ITGA4: variants seen among roughly 807,000 people sequenced by gnomAD.
ITGA4 encodes the protein integrin subunit alpha 4.
ITGA4 carries 63 observed loss-of-function variants against 133.6 expected under a neutral mutation model. The observed-to-expected ratio is 0.47, with a 90% CI of 0.38 to 0.58. The LOEUF (loss-of-function observed/expected upper bound fraction) is 0.58. Among genes scored for constraint, ITGA4 ranks in the 20% least tolerant of loss-of-function variants. ITGA4 has a pLI of 0.00. For missense variants in ITGA4, 1,076 were observed against 1,252.7 expected, an observed-to-expected ratio of 0.86 and a Z score of 2.13; for synonymous variants, 483 against 438.0, an observed-to-expected ratio of 1.10 and a Z score of -1.28.
At position 181,536,996 on chromosome 2, in the gene ITGA4, G is replaced by C. The variant is rs1330419089; in HGVS notation, c.*1469G>C. 1 of 450,308 alleles carries C rather than the reference G, an allele frequency of 2.2e-6. No homozygotes were observed. Among genetic ancestry groups the C allele is most frequent in the South Asian group, 1.6e-5 (1 of 63,614 alleles). The allele number at this position is 450,308 out of a possible 1,614,324, so 27.9% of individuals were successfully genotyped here. On this transcript the variant is annotated 3_prime_UTR_variant, in exon 28 of 28. Coordinates refer to ENST00000397033, the MANE Select transcript of ITGA4 (RefSeq NM_000885.6). ...ATTGATGAAAGTTATCTGTTCACAG[G>C]CCTGCAGTGATGGTGAGGAATGTTC...
At position 181,524,186 on chromosome 2, in the gene ITGA4, C is replaced by G; in HGVS notation, c.2185C>G (p.Leu729Val). Residue 729 changes from leucine (L) to valine (V), a missense_variant, in exon 20 of 28, where the codon CTC becomes GTC. This residue lies in a region of ITGA4 where 365 missense variants were observed against 421.4 expected (regional missense o/e 0.87). Transcript: ENST00000397033. The part of the protein sequence containing the change: ...DHLSRIDISF[L>V]LDVSSLSRAE... ...TGTTTTACAGATAGATATTAGCTTTCTCCTGGATGTGAGCTCACTCAGCAG... is the reference window on the plus strand; with the variant it reads ...TGTTTTACAGATAGATATTAGCTTTGTCCTGGATGTGAGCTCACTCAGCAG... 1 of 1,603,256 alleles carries G rather than the reference C, an allele frequency of 6.2e-7. No homozygotes were observed. Among genetic ancestry groups the G allele is most frequent in the South Asian group, 1.1e-5 (1 of 89,260 alleles).
intron 10 of ITGA4, among the ~76,000 whole-genome samples, chr2:181,488,644 T>C (rs567687033): frequency 3.3e-5 from 5 of 152,030 alleles, no homozygotes; most frequent in South Asian, 4.2e-4. Context: ...CTGCAAGCTC[T>C]GACTCCCGGG....
Position 181,458,188 on chromosome 2 carries a change from C to T in ITGA4, c.198-8C>T, listed in dbSNP as rs765005626. 1.9e-6 allele frequency: 3 copies of T among 1,614,010 alleles called. No homozygotes were observed. Among genetic ancestry groups the T allele is most frequent in the African/African-American group, 1.3e-5 (1 of 75,048 alleles). On this transcript the variant is annotated splice_polypyrimidine_tract_variant and splice_region_variant and intron_variant, in intron 1 of 27. Coordinates refer to ENST00000397033, the MANE Select transcript of ITGA4 (RefSeq NM_000885.6). The stretch of plus-strand genomic sequence containing the variant: ...CGTCTGAGCGCACGTGCACGTGTCT[C>T]GCTTTAGGCTCCTAGTGGGTGCGCC...
chr2:181,504,889 C>T (rs1410643226), intron 15 of ITGA4, among the ~76,000 whole-genome samples: 2 of 151,752 alleles, frequency 1.3e-5, no homozygotes, highest in Non-Finnish European at 1.5e-5. Context: ...AGATGTCTGA[C>T]TGTTCTGTAC....
At chr2:181,466,332 A>T (rs1256392354) in intron 2 of ITGA4, among the ~76,000 whole-genome samples, 2 of 152,156 alleles carry the variant, frequency 1.3e-5, no homozygotes, top group African/African-American at 4.8e-5. Context: ...CTTTTTCAGG[A>T]CTACAATTAT....
chr2:181,522,350 T>A lies in ITGA4; in HGVS notation c.2073+9T>A, dbSNP rs1686738525. The A allele has an allele frequency of 6.3e-7, 1 of 1,579,074 alleles. No homozygotes were observed. The highest frequency in any genetic ancestry group is 8.6e-7 in the Non-Finnish European group (1 of 1,160,244). On this transcript the variant is annotated intron_variant, in intron 18 of 27. Transcript: ENST00000397033. Reference sequence around the variant, plus strand: ...TTAAGATTTTAGAGCTGGTAAGTACTGTAAACCACAATAGCATGATACTAC... The same window carrying A: ...TTAAGATTTTAGAGCTGGTAAGTACAGTAAACCACAATAGCATGATACTAC...
chr2:181,481,681 A>C lies in ITGA4; in HGVS notation c.838A>C (p.Lys280Gln). Reference protein sequence around the residue: ...GGAPQHEQIGKAYIFSIDEKE... With the variant: ...GGAPQHEQIGQAYIFSIDEKE... ...AGCTCCTCAACATGAGCAGATTGGT[A>C]AGGTAAGAATTACATTTTTATATTT... The change falls in exon 7 of 28, where the codon AAG becomes CAG. Residue 280 changes from lysine (K) to glutamine (Q), a missense_variant and splice_region_variant. Around this residue, in one of 4 missense-constraint regions of ITGA4, gnomAD observed 436 missense variants for 590.7 expected, o/e 0.74. Coordinates refer to ENST00000397033, the MANE Select transcript of ITGA4 (RefSeq NM_000885.6). 6.4e-7 allele frequency: 1 copy of C among 1,550,932 alleles called. No homozygotes were observed. The highest frequency in any genetic ancestry group is 8.9e-7 in the Non-Finnish European group (1 of 1,126,850).
At chr2:181,459,863 A>G (rs1242187255) in intron 2 of ITGA4, among the ~76,000 whole-genome samples, 1 of 152,138 alleles carries the variant, frequency 6.6e-6, no homozygotes, top group African/African-American at 2.4e-5. Context: ...TTTAGTGCCT[A>G]CTTCCTGTCT....
At position 181,475,260 on chromosome 2, in the gene ITGA4, G is replaced by A; in HGVS notation, c.528G>A (p.Leu176=). 1 of 1,613,086 alleles carries A rather than the reference G, an allele frequency of 6.2e-7. No individual in the cohort carries two copies. Among genetic ancestry groups the A allele is most frequent in the East Asian group, 2.2e-5 (1 of 44,876 alleles). Residue 176 remains leucine (L), a synonymous_variant, in exon 4 of 28, where the codon CTG becomes CTA. Coordinates refer to ENST00000397033, the MANE Select transcript of ITGA4 (RefSeq NM_000885.6). The part of the protein sequence containing the change: ...YGVPPDLRTE[L]SKRIAPCYQD... ...TGCCCCCTGATTTACGAACAGAACT[G>A]AGTAAAAGAATAGCTCCGTGTTATC...
rs1574402976 is a variant in ITGA4 at position 181,507,802 on chromosome 2, C to T, written c.1696-1856C>T. On this transcript the variant is annotated intron_variant, in intron 15 of 27. Transcript: ENST00000397033. ...CATGTTCAGCACTGATGCAACCATC[C>T]ATTATTTGCCAACTATTTTTGATCC... is the stretch of plus-strand genomic sequence containing the variant. 4.6e-5 allele frequency among the ~76,000 whole-genome samples: 7 copies of T among 152,164 alleles called. No individual in the cohort carries two copies. In the South Asian group the frequency reaches 8.3e-4, roughly 18 times the overall value.
chr2:181,527,545 C>A, intron 22 of ITGA4, 158 bp downstream of exon 22: 1 of 552,962 alleles, frequency 1.8e-6, no homozygotes, highest in Non-Finnish European at 3.3e-6. Flanking sequence ...GCCTCTCAGA[C>A]CCCTGCTGCT....
At chr2:181,511,102 C>T (rs1268251149) in intron 16 of ITGA4, among the ~76,000 whole-genome samples, 1 of 151,920 alleles carries the variant, frequency 6.6e-6, no homozygotes, top group Non-Finnish European at 1.5e-5. Flanking sequence ...TTTATCTCTC[C>T]CCATTTTTTC....
At chr2:181,530,379 A>G in intron 23 of ITGA4, 145 bp from the exon 24 acceptor site, 1 of 708,420 alleles carries the variant, frequency 1.4e-6, no homozygotes, top group Non-Finnish European at 2.2e-6. Context: ...TCACTCCCAA[A>G]TCTGTCAAAA....
At chr2:181,481,532 T>G (rs1685803670) in intron 6 of ITGA4, 66 bp from the exon 7 acceptor site, 1 of 722,834 alleles carries the variant, frequency 1.4e-6, no homozygotes, top group South Asian at 1.8e-5. Context: ...TTATGATCTA[T>G]TTTACCCATA....
At position 181,538,004 on chromosome 2, in the gene ITGA4, A is replaced by G. The variant is rs1282434806; in HGVS notation, c.*2477A>G. Reference sequence around the variant, plus strand: ...CTAGAGTGCCATGTTCCTCAAGAGAATCTAATGCCTGATGATCTGAGGTGG... The same window carrying G: ...CTAGAGTGCCATGTTCCTCAAGAGAGTCTAATGCCTGATGATCTGAGGTGG... On this transcript the variant is annotated 3_prime_UTR_variant, in exon 28 of 28. Transcript: ENST00000397033. The G allele has an allele frequency of 5.9e-6, 4 of 682,476 alleles. No homozygotes were observed. The highest frequency in any genetic ancestry group is 1.1e-5 in the Non-Finnish European group (4 of 363,920). The allele number at this position is 682,476 out of a possible 1,614,324, so 42.3% of individuals were successfully genotyped here.
chr2:181,489,801 A>T (rs67427532), intron 10 of ITGA4, among the ~76,000 whole-genome samples: 19,267 of 152,074 alleles, frequency 0.13, 1,473 homozygotes, highest in East Asian at 0.27. Flanking sequence ...TCCACCCCAC[A>T]CAACCTCTTT....
intron 1 of ITGA4, 37 bp downstream of exon 1, chr2:181,457,888 A>C: frequency 6.4e-7 from 1 of 1,555,474 alleles, no homozygotes; most frequent in Non-Finnish European, 8.7e-7. Context: ...TCAGCAGCTC[A>C]GAGCGGCGTG....
At chr2:181,511,105 A>G (rs1686498228) in intron 16 of ITGA4, among the ~76,000 whole-genome samples, 1 of 151,146 alleles carries the variant, frequency 6.6e-6, no homozygotes, top group African/African-American at 2.4e-5. Flanking sequence ...ATCTCTCCCC[A>G]TTTTTTCCTT....
At position 181,536,723 on chromosome 2, in the gene ITGA4, C is replaced by CTAT. The variant is rs1687124190; in HGVS notation, c.*1198_*1200dup. 4.1e-6 allele frequency: 1 copy of CTAT among 242,680 alleles called. No homozygotes were observed. Among genetic ancestry groups the CTAT allele is most frequent in the African/African-American group, 2.3e-5 (1 of 43,272 alleles). 15.0% of individuals were successfully genotyped at this position (242,680 alleles called of 1,614,324 possible). ...TAGTTTGTTCATACTATATGAGGTT[C>CTAT]TATTTTAAATGACTTTCTGGATTTT... On this transcript the variant is annotated 3_prime_UTR_variant, in exon 28 of 28. Transcript: ENST00000397033.
Sources: gnomAD v4.1 joint callset for allele counts (sites outside exome capture counted in the v4.1 genomes callset) on GRCh38, gnomAD v4.1.1 for gene constraint, gnomAD v4.1.1 regional missense constraint, MANE v1.5 for transcripts, NCBI Gene and HGNC (gene_info 2026-07-23, HGNC 2026-07-21) for gene names.